MS4A13: variants seen among roughly 807,000 people sequenced by gnomAD.
MS4A13 encodes membrane spanning 4-domains A13, also known as membrane-spanning 4-domains subfamily A member 13.
In MS4A13, 21 loss-of-function variants were observed where a neutral mutation model predicts 18.4. The observed-to-expected ratio is 1.14, with a 90% CI of 0.81 to 1.64. The LOEUF is 1.64. MS4A13 is among the 40% of genes most tolerant of loss of function. The pLI is 0.00. For synonymous variants in MS4A13, 62 were observed against 57.2 expected, an observed-to-expected ratio of 1.08 and a Z score of -0.38; for missense variants, 173 against 176.8, an observed-to-expected ratio of 0.98 and a Z score of 0.12.
chr11:60,541,414 C>T (rs759757886), intron 6 of MS4A13, among the ~76,000 whole-genome samples: 3 of 152,136 alleles, frequency 2.0e-5, no homozygotes, highest in Non-Finnish European at 2.9e-5. Flanking sequence ...TTACTTCATT[C>T]AAATTTGACA....
In MS4A13 at chr11:60,538,579, T is replaced by C. The variant is rs577683862; in HGVS notation, c.403-3940T>C. ...CAATTAAAAATAAAATTTTAAGAAA[T>C]AAAAATAAAAAAAAAAATTGCAGGG... On this transcript the variant is annotated intron_variant, in intron 6 of 6. Coordinates refer to ENST00000378186, the MANE Select transcript of MS4A13 (RefSeq NM_001012417.3). Among the ~76,000 whole-genome samples the C allele has an allele frequency of 7.3e-3, 836 of 113,934 alleles. 11 individuals are homozygous for C. Among genetic ancestry groups the C allele is most frequent in the African/African-American group, 0.023 (775 of 33,748 alleles). The allele number at this position is 113,934 out of a possible 152,430, so 74.7% of individuals were successfully genotyped here.
At chr11:60,526,924 C>A (rs776589063) in intron 5 of MS4A13, among the ~76,000 whole-genome samples, 3 of 152,166 alleles carry the variant, frequency 2.0e-5, no homozygotes, top group Non-Finnish European at 2.9e-5. Context: ...TTAACTGTTT[C>A]CAAGTTTTCT....
intron 6 of MS4A13, among the ~76,000 whole-genome samples, chr11:60,529,927 T>G (rs1338368851): frequency 6.6e-6 from 1 of 152,190 alleles, no homozygotes; most frequent in Non-Finnish European, 1.5e-5. Context: ...TGTAGCTTGG[T>G]TTCCAGTTTT....
chr11:60,518,286 C>T lies in MS4A13; in HGVS notation c.129+74C>T, dbSNP rs1179165992. On this transcript the variant is annotated intron_variant, in intron 3 of 6. Transcript: ENST00000378186. ...CATGCCAATAGTAGAAGGTAGGGAACGGTTTCTGAACAAGGTTTTCAGGAG... is the reference window on the plus strand; with the variant it reads ...CATGCCAATAGTAGAAGGTAGGGAATGGTTTCTGAACAAGGTTTTCAGGAG... 70 of 1,275,238 alleles carry T rather than the reference C, an allele frequency of 5.5e-5. No individual in the cohort carries two copies. In the Middle Eastern group the frequency reaches 8.0e-4, roughly 15 times the overall value. The allele number at this position is 1,275,238 out of a possible 1,614,324, so 79.0% of individuals were successfully genotyped here. A position where few individuals can be genotyped will look rare whatever the true frequency, so the allele number is the denominator to read the frequency against.
rs1218078565 is a variant in MS4A13, at chr11:60,518,075, A to G, written c.-9A>G. The G allele has an allele frequency of 6.3e-7, 1 of 1,588,246 alleles. No individual in the cohort carries two copies. Among genetic ancestry groups the G allele is most frequent in the Admixed American group, 1.7e-5 (1 of 58,730 alleles). ...TAACATAATTCTCTTCTCACAGACT[A>G]TCCAGATTATGATTGGCATCTTTCA... On this transcript the variant is annotated 5_prime_UTR_variant, in exon 3 of 7. Transcript: ENST00000378186.
chr11:60,520,496 G>T (rs1319187590), intron 3 of MS4A13, among the ~76,000 whole-genome samples: 1 of 152,182 alleles, frequency 6.6e-6, no homozygotes, highest in Admixed American at 6.5e-5. Context: ...CCAAATGCGA[G>T]AAATTGGTTG....
intron 2 of MS4A13, among the ~76,000 whole-genome samples, chr11:60,516,310 A>G (rs934713871): frequency 9.2e-5 from 14 of 152,208 alleles, no homozygotes; most frequent in Non-Finnish European, 2.1e-4. Flanking sequence ...ATAATAGAGA[A>G]ATCCAAGTAA....
At chr11:60,524,756 G>GGGTTTACACCATTCTGCCTCAGCCTC (rs1190975792) in intron 4 of MS4A13, among the ~76,000 whole-genome samples, 1 of 150,222 alleles carries the variant, frequency 6.7e-6, no homozygotes, top group African/African-American at 2.5e-5. Flanking sequence ...TCTGCCTCCT[G>GGGTTTACACCATTCTGCCTCAGCCTC]GGTTTACACC....
intron 6 of MS4A13, among the ~76,000 whole-genome samples, chr11:60,538,563 A>C (rs1011435525): frequency 1.1e-4 from 15 of 141,972 alleles, no homozygotes; most frequent in Non-Finnish European, 6.1e-5. Context: ...TCAATTAAAA[A>C]TAAAATTTTA....
Position 60,542,505 on chromosome 11 carries a change from T to C in MS4A13, c.403-14T>C. 1 of 1,592,276 alleles carries C rather than the reference T, an allele frequency of 6.3e-7. No individual in the cohort carries two copies. Among genetic ancestry groups the C allele is most frequent in the Non-Finnish European group, 8.6e-7 (1 of 1,162,928 alleles). ...AAACATGATATGATTTGTAAGAGGTTACTTTTTTTCCAGTTTCGAAGACAA... is the reference window on the plus strand; with the variant it reads ...AAACATGATATGATTTGTAAGAGGTCACTTTTTTTCCAGTTTCGAAGACAA... On this transcript the variant is annotated splice_polypyrimidine_tract_variant and intron_variant, in intron 6 of 6. Transcript: ENST00000378186.
intron 5 of MS4A13, among the ~76,000 whole-genome samples, chr11:60,526,714 A>G (rs1367383601): frequency 1.3e-5 from 2 of 152,248 alleles, no homozygotes; most frequent in East Asian, 3.8e-4. Flanking sequence ...CTTTTCTCAC[A>G]TAAGCAAGGG....
At chr11:60,520,260 C>T (rs2086664921) in intron 3 of MS4A13, among the ~76,000 whole-genome samples, 1 of 152,034 alleles carries the variant, frequency 6.6e-6, no homozygotes, top group African/African-American at 2.4e-5. Context: ...TTTTTCTGCC[C>T]CTGGCCCCTC....
Position 60,539,371 on chromosome 11 carries a change from A to T in MS4A13, c.403-3148A>T, listed in dbSNP as rs373705508. Among the ~76,000 whole-genome samples, 42 of 152,138 alleles carry T rather than the reference A, an allele frequency of 2.8e-4. No individual in the cohort carries two copies. In the South Asian group the frequency reaches 8.3e-3, roughly 30 times the overall value. On this transcript the variant is annotated intron_variant, in intron 6 of 6. Transcript: ENST00000378186. ...AACCACTAGAGGAACTCAAGAACAG[A>T]GGTGAGCTGACAAAAAACAAAATAA...
chr11:60,530,813 C>T (rs1051219926), intron 6 of MS4A13, among the ~76,000 whole-genome samples: 1 of 152,150 alleles, frequency 6.6e-6, no homozygotes, highest in Non-Finnish European at 1.5e-5. Flanking sequence ...CCATGCTATT[C>T]TCATGATAGT....
chr11:60,542,333 A>G (rs2086866978), intron 6 of MS4A13, among the ~76,000 whole-genome samples, 186 bp from the exon 7 acceptor site: 1 of 151,990 alleles, frequency 6.6e-6, no homozygotes, highest in Admixed American at 6.6e-5. Flanking sequence ...GAAAGAAAGA[A>G]AGAGAAAGAG....
intron 6 of MS4A13, 74 bp downstream of exon 6, chr11:60,529,534 G>C: frequency 4.1e-4 from 279 of 684,406 alleles, no homozygotes; most frequent in Non-Finnish European, 6.0e-4. Context: ...AGAAGATGAA[G>C]TGCACTGATA....
intron 5 of MS4A13, among the ~76,000 whole-genome samples, chr11:60,527,408 CTCTGTG>C: frequency 2.8e-5 from 1 of 35,554 alleles, no homozygotes; most frequent in African/African-American, 1.0e-4. Context: ...CTCTCTCTCT[CTCTGTG>C]TGTGTGTGTG....
chr11:60,517,184 T>TA (rs79895665), intron 2 of MS4A13, among the ~76,000 whole-genome samples: 12,411 of 148,462 alleles, frequency 0.084, 738 homozygotes, highest in Admixed American at 0.16. Flanking sequence ...GACTTTTTCT[T>TA]AAAAAAAAAA....
At chr11:60,518,664 G>A (rs914094193) in intron 3 of MS4A13, among the ~76,000 whole-genome samples, 13 of 152,204 alleles carry the variant, frequency 8.5e-5, no homozygotes, top group African/African-American at 3.1e-4. Context: ...TGGAAGCCAA[G>A]TGAAGAAATT....
Sources: gnomAD v4.1 joint callset for allele counts (sites outside exome capture counted in the v4.1 genomes callset) on GRCh38, gnomAD v4.1.1 for gene constraint, MANE v1.5 for transcripts, NCBI Gene and HGNC (gene_info 2026-07-23, HGNC 2026-07-21) for gene names.